Variants in SYCP2 observed in about 807,000 individuals in gnomAD.
The protein encoded by SYCP2 is synaptonemal complex lateral element protein.
Under a neutral mutation model 211.3 loss-of-function variants are expected in SYCP2, and 55 were observed. The observed-to-expected ratio is 0.26, with a 90% CI of 0.21 to 0.33. SYCP2 has a LOEUF of 0.33. Among genes scored for constraint, SYCP2 ranks in the 10% least tolerant of loss-of-function variants. SYCP2 has a pLI of 1.00. For missense variants in SYCP2, 1,731 were observed against 1,752.0 expected, an observed-to-expected ratio of 0.99 and a Z score of 0.21; for synonymous variants, 570 against 555.2, an observed-to-expected ratio of 1.03 and a Z score of -0.37.
At chr20:59,867,029 A>G (rs1195855944) in intron 39 of SYCP2, among the ~76,000 whole-genome samples, 2 of 141,528 alleles carry the variant, frequency 1.4e-5, no homozygotes, top group African/African-American at 5.4e-5. Flanking sequence ...AAAAAAAAAA[A>G]AAAAAAGAAA....
chr20:59,903,867 C>T (rs533971276), intron 15 of SYCP2, among the ~76,000 whole-genome samples: 1 of 152,244 alleles, frequency 6.6e-6, no homozygotes, highest in South Asian at 2.1e-4. Flanking sequence ...GAGACTTCCA[C>T]TTCTGGGGAA....
chr20:59,926,806 C>T (rs957907784), intron 2 of SYCP2, among the ~76,000 whole-genome samples: 1 of 151,802 alleles, frequency 6.6e-6, no homozygotes, highest in African/African-American at 2.4e-5. Context: ...AGCTAGTAAC[C>T]AGGGCAGCCT....
rs775072321 is a variant in SYCP2 at position 59,865,631 on chromosome 20, G to A, written c.4400C>T (p.Ser1467Leu). ...ATTACAGAAGACACTTTTAGCCAAT[G>A]AAGTTTTCAAAAGATGAAGCCTAAG... is the stretch of plus-strand genomic sequence containing the variant. ...EQQRLHLLKTSLAKSVFCNTD... is the reference protein window; with the variant it reads ...EQQRLHLLKTLLAKSVFCNTD... The change falls in exon 43 of 45, where the codon TCA becomes TTA. Residue 1467 changes from serine to leucine, a missense_variant. Ser to Leu is a moderately radical substitution (Grantham distance 145). Transcript: ENST00000357552. The A allele has an allele frequency of 6.3e-7, 1 of 1,599,278 alleles. No individual in the cohort carries two copies. The highest frequency in any genetic ancestry group is 8.5e-7 in the Non-Finnish European group (1 of 1,174,690).
chr20:59,899,949 C>T (rs2060083467), intron 18 of SYCP2, 189 bp downstream of exon 18: 2 of 624,008 alleles, frequency 3.2e-6, no homozygotes, highest in South Asian at 3.9e-5. Context: ...AACCCCTATA[C>T]ATGTACACAA....
chr20:59,894,933 CAT>C (rs1367105832), intron 20 of SYCP2, among the ~76,000 whole-genome samples: 1 of 152,004 alleles, frequency 6.6e-6, no homozygotes, highest in East Asian at 1.9e-4. Context: ...ATTCATTCTC[CAT>C]ATTTTCTTAA....
At chr20:59,898,191 C>T (rs139614927) in intron 18 of SYCP2, among the ~76,000 whole-genome samples, 82 of 152,168 alleles carry the variant, frequency 5.4e-4, no homozygotes, top group African/African-American at 1.9e-3. Flanking sequence ...CCAGAAATAC[C>T]ATTTGACTCA....
chr20:59,919,022 A>C (rs934132043), intron 7 of SYCP2, 136 bp downstream of exon 7: 7 of 470,544 alleles, frequency 1.5e-5, no homozygotes, highest in African/African-American at 1.4e-4. Flanking sequence ...CTGGCCCTTT[A>C]CAGTAAAAGT....
chr20:59,885,980 T>C lies in SYCP2; in HGVS notation c.2493-16A>G. 1 of 1,592,852 alleles carries C rather than the reference T, an allele frequency of 6.3e-7. No homozygotes were observed. The highest frequency in any genetic ancestry group is 8.6e-7 in the Non-Finnish European group (1 of 1,168,650). ...TGAAAAACCACTGTAAAAAAAGATT[T>C]TGTCAAAATTGAAAAAGCAAATCAG... On this transcript the variant is annotated splice_polypyrimidine_tract_variant and intron_variant, in intron 25 of 44. Coordinates refer to ENST00000357552, the MANE Select transcript of SYCP2 (RefSeq NM_014258.4).
At chr20:59,906,495 A>G (rs1465809243) in intron 15 of SYCP2, among the ~76,000 whole-genome samples, 2 of 152,140 alleles carry the variant, frequency 1.3e-5, no homozygotes, top group African/African-American at 4.8e-5. Flanking sequence ...CTGCATATCT[A>G]TATGAAAAAA....
chr20:59,926,432 G>T (rs1282358074), intron 2 of SYCP2, among the ~76,000 whole-genome samples: 2 of 151,948 alleles, frequency 1.3e-5, no homozygotes, highest in African/African-American at 4.8e-5. Flanking sequence ...TCCACTCTCT[G>T]CCTCCTTTAT....
intron 2 of SYCP2, among the ~76,000 whole-genome samples, chr20:59,926,864 T>C (rs987858527): frequency 6.6e-6 from 1 of 152,156 alleles, no homozygotes; most frequent in Non-Finnish European, 1.5e-5. Context: ...CAGGGTGACA[T>C]AATTATAGAA....
At chr20:59,929,654 T>C (rs2060697716) in intron 2 of SYCP2, among the ~76,000 whole-genome samples, 1 of 151,794 alleles carries the variant, frequency 6.6e-6, no homozygotes, top group South Asian at 2.1e-4. Context: ...AGAAATTCTT[T>C]ATGTAAAATC....
At chr20:59,893,652 T>A (rs1321205991) in intron 20 of SYCP2, 59 bp from the exon 21 acceptor site, 9 of 1,290,602 alleles carry the variant, frequency 7.0e-6, no homozygotes, top group Non-Finnish European at 7.7e-6. Context: ...AACCTAAATG[T>A]TACAGTATTA....
chr20:59,885,370 A>G lies in SYCP2; in HGVS notation c.2529+558T>C, dbSNP rs866800276. Among the ~76,000 whole-genome samples, 13 of 152,268 alleles carry G rather than the reference A, an allele frequency of 8.5e-5. No homozygotes were observed. In the Middle Eastern group the frequency reaches 0.01, roughly 120 times the overall value. Reference sequence around the variant, plus strand: ...AGAAAATTGTTAACACATAAAACCTATTGTAACAATCCAGAGATTAGAAAT... The same window carrying G: ...AGAAAATTGTTAACACATAAAACCTGTTGTAACAATCCAGAGATTAGAAAT... On this transcript the variant is annotated intron_variant, in intron 26 of 44. Coordinates refer to ENST00000357552, the MANE Select transcript of SYCP2 (RefSeq NM_014258.4).
At chr20:59,903,735 A>G (rs140119567) in intron 15 of SYCP2, among the ~76,000 whole-genome samples, 58 of 152,252 alleles carry the variant, frequency 3.8e-4, no homozygotes, top group African/African-American at 1.3e-3. Flanking sequence ...GTGAAAGCAA[A>G]AAAGGCAAGG....
chr20:59,930,349 T>C (rs2060714810), intron 2 of SYCP2, among the ~76,000 whole-genome samples: 1 of 152,216 alleles, frequency 6.6e-6, no homozygotes, highest in Non-Finnish European at 1.5e-5. Context: ...AATGCTAACA[T>C]TTTAGTCTCT....
intron 4 of SYCP2, 115 bp from the exon 5 acceptor site, chr20:59,920,602 A>G (rs2060523252): frequency 4.7e-6 from 4 of 854,396 alleles, no homozygotes; most frequent in Non-Finnish European, 7.3e-6. Context: ...AAAGATGGTC[A>G]TTTTAATCAT....
chr20:59,877,964 A>AAATAATTTT, intron 32 of SYCP2, 44 bp downstream of exon 32: 3 of 1,482,768 alleles, frequency 2.0e-6, no homozygotes, highest in Non-Finnish European at 2.8e-6. Flanking sequence ...TGGCAAGAAA[A>AAATAATTTT]AATAATTTTA....
intron 4 of SYCP2, 112 bp downstream of exon 4, chr20:59,921,198 T>G: frequency 3.8e-6 from 3 of 799,278 alleles, no homozygotes; most frequent in Non-Finnish European, 5.7e-6. Context: ...TTTATATAAT[T>G]ATGACTGAGC....
Sources: gnomAD v4.1 joint callset for allele counts (sites outside exome capture counted in the v4.1 genomes callset) on GRCh38, gnomAD v4.1.1 for gene constraint, MANE v1.5 for transcripts, NCBI Gene and HGNC (gene_info 2026-07-23, HGNC 2026-07-21) for gene names.